The following UBE2W variants were observed in gnomAD, a reference collection of about 807,000 sequenced individuals.
The protein encoded by UBE2W is ubiquitin-conjugating enzyme E2 W.
In UBE2W, 18 loss-of-function variants were observed where a neutral mutation model predicts 27.2. The ratio of observed to expected loss-of-function variants is 0.66; its 90% CI spans 0.46 to 0.98. The LOEUF is 0.98. Ranked by LOEUF, UBE2W falls within the 50% of genes least tolerant of loss-of-function variation. The pLI, the probability that UBE2W is intolerant of heterozygous loss-of-function variation, is 0.00. For synonymous variants in UBE2W, 53 were observed against 57.2 expected (o/e 0.93, Z 0.33); for missense variants, 90 against 180.2 (o/e 0.50, Z 2.87).
intron 1 of UBE2W, among the ~76,000 whole-genome samples, chr8:73,874,801 C>T (rs1215952586): frequency 2.0e-5 from 3 of 152,248 alleles, no homozygotes; most frequent in Non-Finnish European, 2.9e-5. Flanking sequence ...CATAGGCTCA[C>T]GCCTGTAATG....
At chr8:73,841,203 T>A (rs1810520640) in intron 1 of UBE2W, among the ~76,000 whole-genome samples, 1 of 152,164 alleles carries the variant, frequency 6.6e-6, no homozygotes. Context: ...TAGATATTAT[T>A]TTTCCCTAAC....
chr8:73,852,395 G>C (rs964429480), intron 1 of UBE2W, among the ~76,000 whole-genome samples: 8 of 152,070 alleles, frequency 5.3e-5, no homozygotes, highest in African/African-American at 1.9e-4. Flanking sequence ...CTAGTATTCA[G>C]GAAATGAACA....
At chr8:73,822,735 G>C (rs898000419) in intron 3 of UBE2W, among the ~76,000 whole-genome samples, 6 of 150,208 alleles carry the variant, frequency 4.0e-5, no homozygotes, top group African/African-American at 1.5e-4. Context: ...AGTGAGCCAA[G>C]ATTGCACCAC....
rs543893891 is a variant in UBE2W at position 73,868,617 on chromosome 8, A to G, written c.15+10191T>C. Among the ~76,000 whole-genome samples, 5 of 152,048 alleles carry G rather than the reference A, an allele frequency of 3.3e-5. No homozygotes were observed. The East Asian group carries it at 9.7e-4, about 29-fold the overall frequency. On this transcript the variant is annotated intron_variant, in intron 1 of 5. Transcript: ENST00000602593. ...GTGACTGGTGTCTAAAGTGGGGGCCAGTCCTGTGAGACTGAGCCCTTAACT... is the reference window on the plus strand; with the variant it reads ...GTGACTGGTGTCTAAAGTGGGGGCCGGTCCTGTGAGACTGAGCCCTTAACT...
intron 5 of UBE2W, among the ~76,000 whole-genome samples, chr8:73,801,898 T>G (rs1743755339): frequency 6.6e-6 from 1 of 152,196 alleles, no homozygotes; most frequent in African/African-American, 2.4e-5. Flanking sequence ...CATTCAAGTT[T>G]ATTAGGTTCC....
At position 73,800,783 on chromosome 8, in the gene UBE2W, T is replaced by A. The variant is rs1808603957; in HGVS notation, c.442+4868A>T. On this transcript the variant is annotated intron_variant, in intron 5 of 5. Coordinates refer to ENST00000602593, the MANE Select transcript of UBE2W (RefSeq NM_018299.6). The stretch of plus-strand genomic sequence containing the variant: ...ATGGATTTCTCAGTAACATAAAAAC[T>A]GTTAACTCTAAGAAAAATAACTTCT... Among the ~76,000 whole-genome samples, 3 of 152,204 alleles carry A rather than the reference T, an allele frequency of 2.0e-5. No homozygotes were observed. The South Asian group carries it at 6.2e-4, about 31-fold the overall frequency.
intron 1 of UBE2W, among the ~76,000 whole-genome samples, chr8:73,873,363 C>G (rs1430060272): frequency 6.6e-6 from 1 of 152,132 alleles, no homozygotes; most frequent in Non-Finnish European, 1.5e-5. Flanking sequence ...ATTACTTGAG[C>G]AAAGAGCAGT....
chr8:73,789,793 G>T lies in UBE2W; in HGVS notation c.*4309C>A. 1.8e-6 allele frequency: 1 copy of T among 541,412 alleles called. No homozygotes were observed. Among genetic ancestry groups the T allele is most frequent in the Non-Finnish European group, 2.4e-6 (1 of 424,624 alleles). The allele number at this position is 541,412 out of a possible 1,614,324, so 33.5% of individuals were successfully genotyped here. On this transcript the variant is annotated 3_prime_UTR_variant, in exon 6 of 6. Coordinates refer to ENST00000602593, the MANE Select transcript of UBE2W (RefSeq NM_018299.6). ...GTGGAGATTGAAATGAGCCAAGATC[G>T]TGCACTGCACTAAAGCCCGGGTGAC...
downstream of UBE2W, among the ~76,000 whole-genome samples, chr8:73,784,090 C>T (rs1035912285): frequency 1.3e-5 from 2 of 152,104 alleles, no homozygotes; most frequent in Admixed American, 1.3e-4. Flanking sequence ...ATGCTCCCAC[C>T]ACACTGTTCT....
At chr8:73,823,833 A>T (rs1809720727) in intron 3 of UBE2W, among the ~76,000 whole-genome samples, 1 of 152,198 alleles carries the variant, frequency 6.6e-6, no homozygotes, top group Non-Finnish European at 1.5e-5. Flanking sequence ...TTATCTCTTT[A>T]CTTATAGCAT....
At chr8:73,866,775 C>T (rs1289660881) in intron 1 of UBE2W, among the ~76,000 whole-genome samples, 2 of 151,864 alleles carry the variant, frequency 1.3e-5, no homozygotes, top group Non-Finnish European at 2.9e-5. Flanking sequence ...ATTGGCTGGG[C>T]GCGGTGGCTC....
At chr8:73,862,374 T>C (rs1409351250) in intron 1 of UBE2W, among the ~76,000 whole-genome samples, 3 of 152,220 alleles carry the variant, frequency 2.0e-5, no homozygotes, top group Non-Finnish European at 2.9e-5. Flanking sequence ...TTTCTACATA[T>C]GGCTAGCCAG....
rs117326698 is a variant in UBE2W at position 73,864,030 on chromosome 8, G to A, written c.15+14778C>T. 6.2e-3 allele frequency among the ~76,000 whole-genome samples: 934 copies of A among 151,722 alleles called. 15 individuals carry two copies. Among genetic ancestry groups the A allele is most frequent in the South Asian group, 0.041 (195 of 4,800 alleles). ...GCAGAATCAAACAAGAAACCTGGAT[G>A]TAGCAACATTACCTTTTACTAGTTT... On this transcript the variant is annotated intron_variant, in intron 1 of 5. Transcript: ENST00000602593.
intron 1 of UBE2W, among the ~76,000 whole-genome samples, chr8:73,860,405 T>G (rs1215725433): frequency 2.0e-5 from 3 of 152,224 alleles, no homozygotes; most frequent in African/African-American, 7.2e-5. Flanking sequence ...CTATCACTTC[T>G]GGCCTATTTT....
At chr8:73,829,912 T>TA (rs1810003645) in intron 2 of UBE2W, among the ~76,000 whole-genome samples, 1 of 152,198 alleles carries the variant, frequency 6.6e-6, no homozygotes, top group African/African-American at 2.4e-5. Flanking sequence ...CACTGTCTAA[T>TA]AAAATTATTA....
chr8:73,840,965 A>G (rs552580098), intron 1 of UBE2W, among the ~76,000 whole-genome samples: 9 of 152,356 alleles, frequency 5.9e-5, no homozygotes, highest in Admixed American at 3.3e-4. Context: ...CCTAAAGGGT[A>G]GAAATCCTCA....
chr8:73,857,581 G>T (rs1209976380), intron 1 of UBE2W, among the ~76,000 whole-genome samples: 1 of 152,126 alleles, frequency 6.6e-6, no homozygotes, highest in Non-Finnish European at 1.5e-5. Context: ...ACTTTGTGAG[G>T]CCGAGATGGG....
chr8:73,784,783 G>A (rs530499285), downstream of UBE2W, among the ~76,000 whole-genome samples: 66 of 152,108 alleles, frequency 4.3e-4, no homozygotes, highest in Non-Finnish European at 9.0e-4. Flanking sequence ...TGGGATGCTG[G>A]GGTAGTACTT....
chr8:73,853,212 A>C (rs1811150596), intron 1 of UBE2W, among the ~76,000 whole-genome samples: 1 of 152,192 alleles, frequency 6.6e-6, no homozygotes, highest in East Asian at 1.9e-4. Context: ...CAGAACTGTA[A>C]GGATTAAATT....
Sources: allele counts gnomAD v4.1 joint callset (sites outside exome capture counted in the v4.1 genomes callset), GRCh38; gene constraint gnomAD v4.1.1; transcripts MANE v1.5; gene names NCBI Gene and HGNC (gene_info 2026-07-23, HGNC 2026-07-21).